C1QB: variants seen among roughly 807,000 people sequenced by gnomAD.
C1QB encodes the protein complement C1q B chain, also known as complement C1q subcomponent subunit B.
A neutral mutation model predicts 4.6 loss-of-function variants in C1QB; 2 were observed. The observed-to-expected ratio is 0.43, with a 90% CI of 0.18 to 1.36. The LOEUF (loss-of-function observed/expected upper bound fraction) is 1.36, where lower values mean the gene tolerates loss of function less well. Among genes scored for constraint, C1QB ranks in the 40% most tolerant of loss-of-function variants. The pLI is 0.28. For missense variants in C1QB, 292 were observed against 338.0 expected, an observed-to-expected ratio of 0.86 and a Z score of 1.07; for synonymous variants, 132 against 137.1, an observed-to-expected ratio of 0.96 and a Z score of 0.26.
chr1:22,660,736 C>T (rs1570098790), intron 2 of C1QB, 76 bp from the exon 3 acceptor site: 2 of 1,437,440 alleles, frequency 1.4e-6, no homozygotes, highest in Non-Finnish European at 2.0e-6. Flanking sequence ...AGAGGCAGGG[C>T]CCTGCCCAAG....
chr1:22,655,727 G>C (rs1013099233), intron 1 of C1QB, among the ~76,000 whole-genome samples: 7 of 152,178 alleles, frequency 4.6e-5, no homozygotes, highest in Admixed American at 3.9e-4. Context: ...GTCCCAATGA[G>C]AGCTTGGGGC....
At chr1:22,657,007 T>C (rs1296358895) in intron 1 of C1QB, among the ~76,000 whole-genome samples, 1 of 152,216 alleles carries the variant, frequency 6.6e-6, no homozygotes, top group Non-Finnish European at 1.5e-5. Flanking sequence ...CTGGGCATGC[T>C]GCCCCCGAGG....
At chr1:22,656,446 G>A (rs1642532244) in intron 1 of C1QB, among the ~76,000 whole-genome samples, 1 of 152,164 alleles carries the variant, frequency 6.6e-6, no homozygotes, top group South Asian at 2.1e-4. Context: ...GGCTGAGGCA[G>A]GAGGATGGCT....
In C1QB at chr1:22,661,282, G is replaced by A; in HGVS notation, c.652G>A (p.Glu218Lys). 1 of 1,613,870 alleles carries A rather than the reference G, an allele frequency of 6.2e-7. No homozygotes were observed. The highest frequency in any genetic ancestry group is 8.5e-7 in the Non-Finnish European group (1 of 1,179,846). ...CATGGTCCTCAAGCTGGAGCAGGGG[G>A]AGAACGTCTTCCTGCAGGCCACCGA... Reference protein sequence around the residue: ...GGMVLKLEQGENVFLQATDKN... With the variant: ...GGMVLKLEQGKNVFLQATDKN... Residue 218 changes from glutamate (E) to lysine (K), a missense_variant, in exon 3 of 3, where the codon GAG becomes AAG. Physicochemically the swap from Glu to Lys is moderately conservative, Grantham distance 56. Coordinates refer to ENST00000509305, the MANE Select transcript of C1QB (RefSeq NM_001378156.1).
chr1:22,653,801 C>G (rs917619424), intron 1 of C1QB, among the ~76,000 whole-genome samples: 2 of 152,164 alleles, frequency 1.3e-5, no homozygotes, highest in Non-Finnish European at 2.9e-5. Context: ...TTCCCCAACA[C>G]CTTGCTTATT....
At chr1:22,655,451 C>A (rs1295639657) in intron 1 of C1QB, among the ~76,000 whole-genome samples, 1 of 151,732 alleles carries the variant, frequency 6.6e-6, no homozygotes, top group Non-Finnish European at 1.5e-5. Context: ...AGCATAGGAG[C>A]CAAATATCAG....
intron 1 of C1QB, among the ~76,000 whole-genome samples, chr1:22,659,032 GAGAC>G (rs1157910289): frequency 1.7e-5 from 2 of 118,752 alleles, no homozygotes; most frequent in Non-Finnish European, 3.4e-5. Flanking sequence ...GAGGGATAGA[GAGAC>G]AGATGGATGG....
chr1:22,661,535 G>C lies in C1QB; in HGVS notation c.*149G>C. 1.1e-6 allele frequency: 1 copy of C among 886,998 alleles called. No homozygotes were observed. Among genetic ancestry groups the C allele is most frequent in the Non-Finnish European group, 1.8e-6 (1 of 562,356 alleles). The allele number at this position is 886,998 out of a possible 1,614,324, so 54.9% of individuals were successfully genotyped here. On this transcript the variant is annotated 3_prime_UTR_variant, in exon 3 of 3. Coordinates refer to ENST00000509305, the MANE Select transcript of C1QB (RefSeq NM_001378156.1). ...GTAAATAAACTCTTCAAGGCCAAGG[G>C]ACAGTGGTCTAATTCAACTCTGTGT...
chr1:22,658,224 T>G (rs1237952606), intron 1 of C1QB, among the ~76,000 whole-genome samples: 1 of 152,206 alleles, frequency 6.6e-6, no homozygotes, highest in East Asian at 1.9e-4. Flanking sequence ...TCACTTGAAC[T>G]CTTGCTCCCC....
At chr1:22,659,394 G>A in intron 1 of C1QB, 46 bp from the exon 2 acceptor site, 1 of 1,527,482 alleles carries the variant, frequency 6.5e-7, no homozygotes, top group Non-Finnish European at 9.1e-7. Context: ...ATGGATGGAT[G>A]ATAGGATCAC....
chr1:22,653,290 C>T lies in C1QB; in HGVS notation c.-37C>T, dbSNP rs1292433199. 6.6e-6 allele frequency: 1 copy of T among 152,360 alleles called. No homozygotes were observed. Among genetic ancestry groups the T allele is most frequent in the Admixed American group, 6.5e-5 (1 of 15,284 alleles). 9.4% of individuals were successfully genotyped at this position (152,360 alleles called of 1,614,324 possible). A position where few individuals can be genotyped will look rare whatever the true frequency, so the allele number is the denominator to read the frequency against. Reference sequence around the variant, plus strand: ...TGCTCAGCCCAGTGGCCTCACAGGACACCAGCTTCCCAGGTGAGGACGGGG... The same window carrying T: ...TGCTCAGCCCAGTGGCCTCACAGGATACCAGCTTCCCAGGTGAGGACGGGG... On this transcript the variant is annotated 5_prime_UTR_variant, in exon 1 of 3. Transcript: ENST00000509305.
intron 1 of C1QB, 34 bp from the exon 2 acceptor site, chr1:22,659,406 A>G: frequency 1.9e-6 from 3 of 1,593,580 alleles, no homozygotes; most frequent in South Asian, 2.2e-5. Flanking sequence ...TAGGATCACC[A>G]CGGTGGTAAC....
chr1:22,659,482 G>A lies in C1QB; in HGVS notation c.20G>A (p.Ser7Asn), dbSNP rs866902627. The change falls in exon 2 of 3, where the codon AGC becomes AAC. Residue 7 changes from serine (S) to asparagine (N), a missense_variant. Coordinates refer to ENST00000509305, the MANE Select transcript of C1QB (RefSeq NM_001378156.1). MKIPWG[S>N]IPVLMLLLLL... is the part of the protein sequence containing the mutation. ...ATGATGATGAAGATCCCATGGGGCA[G>A]CATCCCAGTACTGATGTTGCTCCTG... The A allele has an allele frequency of 1.9e-6, 3 of 1,614,028 alleles. 1 individual carries two copies. The highest frequency in any genetic ancestry group is 2.2e-5 in the South Asian group (2 of 91,084).
Position 22,659,650 on chromosome 1 carries a change from T to C in C1QB, c.181+7T>C, listed in dbSNP as rs1188813796. On this transcript the variant is annotated splice_region_variant and intron_variant, in intron 2 of 2. Coordinates refer to ENST00000509305, the MANE Select transcript of C1QB (RefSeq NM_001378156.1). ...GGGATAAAAGGAGAGAAAGGTACCA[T>C]GGGATTTAGCAGGACACTGGTAATA... 2.5e-6 allele frequency: 4 copies of C among 1,608,938 alleles called. No homozygotes were observed. Among genetic ancestry groups the C allele is most frequent in the Non-Finnish European group, 3.4e-6 (4 of 1,177,400 alleles).
intron 2 of C1QB, 79 bp from the exon 3 acceptor site, chr1:22,660,733 G>T (rs1642606811): frequency 7.0e-7 from 1 of 1,422,572 alleles, no homozygotes; most frequent in Non-Finnish European, 9.9e-7. Context: ...GAGAGAGGCA[G>T]GGCCCTGCCC....
At chr1:22,657,020 C>A (rs2148303167) in intron 1 of C1QB, among the ~76,000 whole-genome samples, 1 of 152,306 alleles carries the variant, frequency 6.6e-6, no homozygotes, top group South Asian at 2.1e-4. Context: ...CCCCGAGGAA[C>A]CTCCTCGTGT....
At chr1:22,655,631 CT>C in intron 1 of C1QB, among the ~76,000 whole-genome samples, 1 of 152,284 alleles carries the variant, frequency 6.6e-6, no homozygotes, top group South Asian at 2.1e-4. Flanking sequence ...GTTTCCTCAT[CT>C]GCAAGATGGG....
rs373793237 is a variant in C1QB, at chr1:22,658,960, T to C, written c.-23-480T>C. On this transcript the variant is annotated intron_variant, in intron 1 of 2. Coordinates refer to ENST00000509305, the MANE Select transcript of C1QB (RefSeq NM_001378156.1). ...ATGGATGGATGGATGGAGAGGAGGA[T>C]GGATGGATGGATGCAGGGATGGACA... Among the ~76,000 whole-genome samples, 671 of 115,904 alleles carry C rather than the reference T, an allele frequency of 5.8e-3. 13 individuals are homozygous for C. Among genetic ancestry groups the C allele is most frequent in the African/African-American group, 0.023 (627 of 27,010 alleles). 76.0% of individuals were successfully genotyped at this position (115,904 alleles called of 152,430 possible). A position where few individuals can be genotyped will look rare whatever the true frequency, so the allele number is the denominator to read the frequency against.
In C1QB at chr1:22,659,564, C is replaced by G. The variant is rs142278562; in HGVS notation, c.102C>G (p.Ala34=). 9.8e-4 allele frequency: 1,587 copies of G among 1,614,072 alleles called. 12 individuals carry two copies. In the African/African-American group the frequency reaches 0.018, roughly 19 times the overall value. Reference sequence around the variant, plus strand: ...AGCTCAGCTGCACCGGGCCCCCAGCCATCCCTGGCATCCCGGGTATCCCTG... The same window carrying G: ...AGCTCAGCTGCACCGGGCCCCCAGCGATCCCTGGCATCCCGGGTATCCCTG... ...QAQLSCTGPP[A]IPGIPGIPGT... is the part of the protein sequence containing the mutation. The change falls in exon 2 of 3, where the codon GCC becomes GCG. Residue 34 remains alanine (A), a synonymous_variant. Transcript: ENST00000509305.
Sources: allele counts gnomAD v4.1 joint callset (sites outside exome capture counted in the v4.1 genomes callset), GRCh38; gene constraint gnomAD v4.1.1; transcripts MANE v1.5; gene names NCBI Gene and HGNC (gene_info 2026-07-23, HGNC 2026-07-21).